BMERB1: variants seen among roughly 807,000 people sequenced by gnomAD.
BMERB1 encodes bMERB domain-containing protein 1.
A neutral mutation model predicts 23.6 loss-of-function variants in BMERB1; 12 were observed. That is an observed-to-expected ratio of 0.51 (90% CI 0.33 to 0.82). The LOEUF (loss-of-function observed/expected upper bound fraction) is 0.82. Ranked by LOEUF, BMERB1 falls within the 40% of genes least tolerant of loss-of-function variation. BMERB1 has a pLI of 0.03. For missense variants in BMERB1, 247 were observed against 255.4 expected (o/e 0.97, Z 0.22); for synonymous variants, 122 against 96.6 (o/e 1.26, Z -1.54).
At chr16:15,508,634 G>A (rs564810630) in intron 1 of BMERB1, among the ~76,000 whole-genome samples, 2 of 151,810 alleles carry the variant, frequency 1.3e-5, no homozygotes, top group African/African-American at 4.8e-5. Flanking sequence ...GACCAGCCTG[G>A]GCAACATGGC....
At chr16:15,540,028 C>G (rs746778909) in intron 2 of BMERB1, among the ~76,000 whole-genome samples, 2 of 151,824 alleles carry the variant, frequency 1.3e-5, no homozygotes, top group Non-Finnish European at 2.9e-5. Flanking sequence ...TGGAGTGCAC[C>G]TGTAGTACCC....
intron 1 of BMERB1, among the ~76,000 whole-genome samples, chr16:15,495,273 G>A (rs1417651074): frequency 6.6e-6 from 1 of 151,946 alleles, no homozygotes; most frequent in Non-Finnish European, 1.5e-5. Flanking sequence ...GTGCAGTGGC[G>A]TGATCTCCAC....
chr16:15,566,487 T>C (rs1360883153), intron 2 of BMERB1, among the ~76,000 whole-genome samples: 1 of 152,124 alleles, frequency 6.6e-6, no homozygotes, highest in African/African-American at 2.4e-5. Flanking sequence ...AAATAAATTA[T>C]AGTTAAATAG....
At chr16:15,520,651 C>CT (rs995315262) in intron 2 of BMERB1, among the ~76,000 whole-genome samples, 4 of 151,520 alleles carry the variant, frequency 2.6e-5, no homozygotes, top group South Asian at 2.1e-4. Context: ...GCCTGGCTAA[C>CT]TTTTTTTTGT....
At chr16:15,470,029 G>C (rs1040285400) in intron 1 of BMERB1, among the ~76,000 whole-genome samples, 1 of 152,068 alleles carries the variant, frequency 6.6e-6, no homozygotes, top group African/African-American at 2.4e-5. Context: ...TTGAATGACA[G>C]TAGTGAGAGC....
intron 1 of BMERB1, among the ~76,000 whole-genome samples, chr16:15,489,084 T>G (rs2051393714): frequency 6.6e-6 from 1 of 152,160 alleles, no homozygotes; most frequent in South Asian, 2.1e-4. Context: ...GTTCTGGGTC[T>G]GACTACTTCT....
At chr16:15,477,253 G>A (rs2051282351) in intron 1 of BMERB1, among the ~76,000 whole-genome samples, 1 of 152,084 alleles carries the variant, frequency 6.6e-6, no homozygotes, top group African/African-American at 2.4e-5. Flanking sequence ...GTGCAAGCAG[G>A]GGAAATGCCA....
At chr16:15,565,398 C>G (rs2030536425) in intron 2 of BMERB1, among the ~76,000 whole-genome samples, 1 of 152,198 alleles carries the variant, frequency 6.6e-6, no homozygotes, top group Admixed American at 6.5e-5. Context: ...CCACTACATC[C>G]CTTACCTGCT....
intron 3 of BMERB1, among the ~76,000 whole-genome samples, chr16:15,578,224 C>T (rs1044269081): frequency 6.8e-6 from 1 of 146,742 alleles, no homozygotes; most frequent in African/African-American, 2.6e-5. Context: ...TTCTCTTCTC[C>T]TCTTTTTTTT....
intron 2 of BMERB1, among the ~76,000 whole-genome samples, chr16:15,549,979 T>G (rs1049502342): frequency 6.6e-6 from 1 of 152,132 alleles, no homozygotes; most frequent in Non-Finnish European, 1.5e-5. Flanking sequence ...AGATGCAGTC[T>G]TGCTCTGTCG....
intron 1 of BMERB1, among the ~76,000 whole-genome samples, chr16:15,448,791 CAAAAA>C (rs1012786690): frequency 1.3e-5 from 2 of 151,556 alleles, no homozygotes; most frequent in African/African-American, 4.9e-5. Context: ...GAATCTGTCT[CAAAAA>C]AAACTGAAAA....
rs562832244 is a variant in BMERB1, at chr16:15,454,143, T to G, written c.106+19384T>G. 5.9e-5 allele frequency among the ~76,000 whole-genome samples: 9 copies of G among 152,258 alleles called. 1 individual carries two copies. In the South Asian group the frequency reaches 1.9e-3, roughly 32 times the overall value. On this transcript the variant is annotated intron_variant, in intron 1 of 5. Coordinates refer to ENST00000300006, the MANE Select transcript of BMERB1 (RefSeq NM_033201.3). Reference sequence around the variant, plus strand: ...TTTTAGAGTTTGAATGGAGGAAGACTTCAGACAGAACTGTACACAGCACAG... The same window carrying G: ...TTTTAGAGTTTGAATGGAGGAAGACGTCAGACAGAACTGTACACAGCACAG...
At chr16:15,560,142 T>A (rs1008723797) in intron 2 of BMERB1, among the ~76,000 whole-genome samples, 36 of 152,110 alleles carry the variant, frequency 2.4e-4, no homozygotes, top group South Asian at 2.1e-4. Flanking sequence ...CATAGGGACG[T>A]TGATGGAGTC....
intron 1 of BMERB1, among the ~76,000 whole-genome samples, chr16:15,492,395 G>T (rs761022347): frequency 6.6e-6 from 1 of 152,130 alleles, no homozygotes; most frequent in African/African-American, 2.4e-5. Context: ...TCCATTGCAG[G>T]CATCTTTTTC....
intron 2 of BMERB1, among the ~76,000 whole-genome samples, chr16:15,567,239 T>TA (rs1296441438): frequency 1.3e-5 from 2 of 152,088 alleles, no homozygotes; most frequent in Non-Finnish European, 2.9e-5. Flanking sequence ...AAAATGTTTT[T>TA]AAAAAATCCA....
At chr16:15,519,422 G>T (rs184534023) in intron 2 of BMERB1, among the ~76,000 whole-genome samples, 1 of 151,988 alleles carries the variant, frequency 6.6e-6, no homozygotes, top group South Asian at 2.1e-4. Flanking sequence ...ACAGAGTCTC[G>T]CTCTGTCGCC....
chr16:15,554,500 A>AT (rs1224019609), intron 2 of BMERB1, among the ~76,000 whole-genome samples: 1 of 152,000 alleles, frequency 6.6e-6, no homozygotes, highest in Non-Finnish European at 1.5e-5. Flanking sequence ...TATTTGTATA[A>AT]TTTTTTAAAT....
At chr16:15,562,228 G>A (rs1281968817) in intron 2 of BMERB1, among the ~76,000 whole-genome samples, 2 of 151,332 alleles carry the variant, frequency 1.3e-5, no homozygotes, top group Non-Finnish European at 1.5e-5. Context: ...ACTTGAACCC[G>A]GGAGGCAAAG....
In BMERB1 at chr16:15,434,730, C is replaced by T. The variant is rs543201192; in HGVS notation, c.77C>T (p.Thr26Met). Residue 26 changes from threonine to methionine, a missense_variant, in exon 1 of 6, where the codon ACG becomes ATG. Physicochemically the swap from Thr to Met is moderately conservative, Grantham distance 81. Coordinates refer to ENST00000300006, the MANE Select transcript of BMERB1 (RefSeq NM_033201.3). ...PLRRYGAVEE[T>M]AWKTERLGRN... Reference sequence around the variant, plus strand: ...AGGCGCTATGGGGCGGTGGAGGAGACGGCTTGGAAAACGGAGAGACTGGGG... The same window carrying T: ...AGGCGCTATGGGGCGGTGGAGGAGATGGCTTGGAAAACGGAGAGACTGGGG... The T allele has an allele frequency of 6.9e-6, 11 of 1,595,168 alleles. No individual in the cohort carries two copies. The South Asian group carries it at 8.9e-5, about 13-fold the overall frequency.
Sources: allele counts gnomAD v4.1 joint callset (sites outside exome capture counted in the v4.1 genomes callset), GRCh38; gene constraint gnomAD v4.1.1; transcripts MANE v1.5; gene names NCBI Gene and HGNC (gene_info 2026-07-23, HGNC 2026-07-21).